The following CCDC171 variants were observed in gnomAD, a reference collection of about 807,000 sequenced individuals.
CCDC171 encodes coiled-coil domain-containing protein 171.
Under a neutral mutation model 168.2 loss-of-function variants are expected in CCDC171, and 177 were observed. That is an observed-to-expected ratio of 1.05 (90% CI 0.93 to 1.19). The LOEUF is 1.19. Ranked by LOEUF, CCDC171 falls within the 50% of genes most tolerant of loss-of-function variation. The pLI is 0.00. For synonymous variants in CCDC171, 687 were observed against 540.8 expected, an observed-to-expected ratio of 1.27 and a Z score of -3.75; for missense variants, 1,991 against 1,539.0, an observed-to-expected ratio of 1.29 and a Z score of -4.91.
chr9:16,020,313 T>C (rs1461996890), intron 3 of CCDC171, among the ~76,000 whole-genome samples: 1 of 152,218 alleles, frequency 6.6e-6, no homozygotes, highest in East Asian at 1.9e-4. Context: ...TCATTATATA[T>C]ATGCAAATAT....
chr9:15,757,552 C>T (rs2056198011), intron 18 of CCDC171, among the ~76,000 whole-genome samples: 1 of 152,172 alleles, frequency 6.6e-6, no homozygotes, highest in South Asian at 2.1e-4. Flanking sequence ...GACAGAAAAA[C>T]CAATTTTCTG....
chr9:15,869,029 C>A (rs2061913127), intron 23 of CCDC171, among the ~76,000 whole-genome samples: 1 of 151,936 alleles, frequency 6.6e-6, no homozygotes, highest in Admixed American at 6.6e-5. Context: ...TAAGTGCTAT[C>A]TAAATTATAC....
At chr9:16,071,707 A>G in the CCDC171 span, among the ~76,000 whole-genome samples, 1 of 152,020 alleles carries the variant, frequency 6.6e-6, no homozygotes, top group Non-Finnish European at 1.5e-5. Context: ...GTTGTCTTTT[A>G]TTCCTTCTTC....
chr9:15,728,576 A>G (rs1487431202), intron 15 of CCDC171, among the ~76,000 whole-genome samples: 1 of 152,168 alleles, frequency 6.6e-6, no homozygotes, highest in Admixed American at 6.5e-5. Context: ...CAAAAAGTGT[A>G]TTTTATAGGA....
At chr9:15,695,161 A>C in intron 10 of CCDC171, 74 bp from the exon 11 acceptor site, 1 of 880,368 alleles carries the variant, frequency 1.1e-6, no homozygotes. Context: ...TACTTGTGTT[A>C]TATATGTTCA....
intron 6 of CCDC171, among the ~76,000 whole-genome samples, chr9:15,600,799 C>A (rs188736886): frequency 1.3e-5 from 2 of 152,198 alleles, no homozygotes; most frequent in Admixed American, 1.3e-4. Context: ...TCGAGCTTCC[C>A]GGCCACTTTG....
chr9:15,927,185 T>C (rs532044332), intron 25 of CCDC171, among the ~76,000 whole-genome samples: 1 of 151,806 alleles, frequency 6.6e-6, no homozygotes, highest in South Asian at 2.1e-4. Flanking sequence ...CTGGAGTTCA[T>C]GTAAGATTTC....
At chr9:16,045,713 C>A (rs1017661790) in intron 1 of CCDC171, among the ~76,000 whole-genome samples, 2 of 152,174 alleles carry the variant, frequency 1.3e-5, no homozygotes, top group African/African-American at 4.8e-5. Flanking sequence ...AATAGAACTG[C>A]CTGTCACTCA....
intron 7 of CCDC171, among the ~76,000 whole-genome samples, chr9:15,642,256 C>A (rs1172093286): frequency 6.8e-6 from 1 of 147,310 alleles, no homozygotes; most frequent in Admixed American, 6.9e-5. Flanking sequence ...TTAAATTAAC[C>A]TGTAGTATAT....
At chr9:15,810,246 C>A (rs555850295) in intron 21 of CCDC171, among the ~76,000 whole-genome samples, 1 of 152,232 alleles carries the variant, frequency 6.6e-6, no homozygotes, top group South Asian at 2.1e-4. Context: ...GAGCTAGACA[C>A]AGAGTGCTGA....
chr9:16,063,229 C>T (rs760429990), downstream of CCDC171, among the ~76,000 whole-genome samples: 1 of 152,140 alleles, frequency 6.6e-6, no homozygotes, highest in Non-Finnish European at 1.5e-5. Flanking sequence ...ATAGAGTGAG[C>T]AGAAGACACC....
intron 7 of CCDC171, among the ~76,000 whole-genome samples, chr9:15,631,330 T>C (rs968031498): frequency 4.6e-5 from 7 of 151,794 alleles, no homozygotes; most frequent in South Asian, 2.1e-4. Flanking sequence ...GAAAAAATGA[T>C]AAAGGGGATA....
At chr9:15,678,441 TGA>T (rs1289518881) in intron 9 of CCDC171, among the ~76,000 whole-genome samples, 6 of 152,174 alleles carry the variant, frequency 3.9e-5, no homozygotes, top group Admixed American at 2.6e-4. Context: ...AGATAGTCTC[TGA>T]GCTAATTGAA....
the CCDC171 span, among the ~76,000 whole-genome samples, chr9:16,075,354 G>A: frequency 1.3e-5 from 2 of 152,018 alleles, no homozygotes; most frequent in African/African-American, 4.8e-5. Context: ...TTGATTTCCT[G>A]TTCCTTATTC....
At chr9:15,992,225 A>G (rs1375093350) in intron 3 of CCDC171, among the ~76,000 whole-genome samples, 1 of 152,238 alleles carries the variant, frequency 6.6e-6, no homozygotes, top group African/African-American at 2.4e-5. Flanking sequence ...CAAAAAGCTT[A>G]TCCACCATGA....
the CCDC171 span, among the ~76,000 whole-genome samples, chr9:16,107,068 C>T: frequency 6.6e-6 from 1 of 152,178 alleles, no homozygotes; most frequent in East Asian, 1.9e-4. Flanking sequence ...ATAAGGAATT[C>T]CTGTATACCA....
intron 3 of CCDC171, among the ~76,000 whole-genome samples, chr9:15,994,926 T>A (rs1452045257): frequency 6.6e-6 from 1 of 152,224 alleles, no homozygotes; most frequent in Non-Finnish European, 1.5e-5. Flanking sequence ...ATTTTTCTCC[T>A]TCAAAGTGGA....
At chr9:15,719,448 A>AGAGGGAG (rs2053325592) in intron 11 of CCDC171, among the ~76,000 whole-genome samples, 1 of 99,498 alleles carries the variant, frequency 1.0e-5, no homozygotes, top group Admixed American at 1.1e-4. Flanking sequence ...GAGAGAGAGA[A>AGAGGGAG]AGTTTATTCA....
the CCDC171 span, among the ~76,000 whole-genome samples, chr9:16,087,864 G>A: frequency 3.9e-5 from 6 of 152,024 alleles, no homozygotes; most frequent in African/African-American, 1.5e-4. Flanking sequence ...AGTTTGGTAT[G>A]TTTTTGCAGT....
Sources: allele counts gnomAD v4.1 joint callset (sites outside exome capture counted in the v4.1 genomes callset), GRCh38; gene constraint gnomAD v4.1.1; transcripts MANE v1.5; gene names NCBI Gene and HGNC (gene_info 2026-07-23, HGNC 2026-07-21).